ARID5B: variants seen among roughly 807,000 people sequenced by gnomAD.
ARID5B encodes the protein AT-rich interactive domain-containing protein 5B.
A neutral mutation model predicts 97.2 loss-of-function variants in ARID5B; 13 were observed. The observed-to-expected ratio is 0.13, with a 90% CI of 0.09 to 0.21. The LOEUF (loss-of-function observed/expected upper bound fraction) is 0.21, where lower values mean the gene tolerates loss of function less well. Ranked by LOEUF, ARID5B falls within the 10% of genes least tolerant of loss-of-function variation. The probability of loss-of-function intolerance (pLI) is 1.00; values close to 1 mark genes in which losing one functional copy is unlikely to be tolerated. For missense variants in ARID5B, 1,210 were observed against 1,465.3 expected (o/e 0.83, Z 2.84); for synonymous variants, 556 against 570.3 (o/e 0.97, Z 0.36).
At chr10:62,016,309 T>G (rs546037773) in intron 4 of ARID5B, among the ~76,000 whole-genome samples, 2 of 152,164 alleles carry the variant, frequency 1.3e-5, no homozygotes, top group Non-Finnish European at 2.9e-5. Context: ...TACAGAAAAA[T>G]GTATTGACCT....
In ARID5B at chr10:61,908,724, C is replaced by T. The variant is rs1181779756; in HGVS notation, c.276+6311C>T. On this transcript the variant is annotated intron_variant, in intron 2 of 9. Transcript: ENST00000279873. ...CTGAGGCAGGAGAATGGCGTGAACC[C>T]GGGAGGCAGAGCTTGCAGTGAGCCA... Among the ~76,000 whole-genome samples, 8 of 141,670 alleles carry T rather than the reference C, an allele frequency of 5.6e-5. No homozygotes were observed. In the Admixed American group the frequency reaches 6.1e-4, roughly 11 times the overall value. 92.9% of individuals were successfully genotyped at this position (141,670 alleles called of 152,430 possible).
intron 2 of ARID5B, among the ~76,000 whole-genome samples, chr10:61,919,167 A>T (rs1843965596): frequency 6.6e-6 from 1 of 151,824 alleles, no homozygotes; most frequent in African/African-American, 2.4e-5. Flanking sequence ...GTTTGATCTA[A>T]GTGCCCCACC....
intron 8 of ARID5B, among the ~76,000 whole-genome samples, chr10:62,083,556 G>T (rs899782403): frequency 1.3e-5 from 2 of 152,044 alleles, no homozygotes; most frequent in Non-Finnish European, 1.5e-5. Flanking sequence ...CAGTAAAGAG[G>T]GTCCCTCGTG....
intron 4 of ARID5B, among the ~76,000 whole-genome samples, chr10:62,012,014 AG>A (rs1172955684): frequency 6.6e-6 from 1 of 151,776 alleles, no homozygotes; most frequent in African/African-American, 2.4e-5. Context: ...GAAAAAAAAA[AG>A]TAAATAGTAA....
chr10:62,040,331 T>TA (rs1229267545), intron 4 of ARID5B, among the ~76,000 whole-genome samples: 8 of 58,072 alleles, frequency 1.4e-4, no homozygotes, highest in South Asian at 1.7e-3. Flanking sequence ...TTAGATACTA[T>TA]TATAACATTA....
At chr10:61,932,838 C>T (rs1844234964) in intron 2 of ARID5B, among the ~76,000 whole-genome samples, 1 of 152,132 alleles carries the variant, frequency 6.6e-6, no homozygotes, top group South Asian at 2.1e-4. Flanking sequence ...GCAATGTTCA[C>T]AAATCCCAGC....
At chr10:62,061,572 C>A (rs769046043) in intron 7 of ARID5B, among the ~76,000 whole-genome samples, 21 of 152,198 alleles carry the variant, frequency 1.4e-4, no homozygotes, top group Non-Finnish European at 3.1e-4. Flanking sequence ...TGCTGAGCCT[C>A]CAGATGCTAT....
intron 4 of ARID5B, among the ~76,000 whole-genome samples, chr10:62,011,980 C>T (rs892879069): frequency 1.3e-5 from 2 of 151,630 alleles, no homozygotes; most frequent in Non-Finnish European, 2.9e-5. Context: ...CCTTCATCCC[C>T]TTAGTACCAT....
At chr10:62,015,031 C>G (rs1260828031) in intron 4 of ARID5B, among the ~76,000 whole-genome samples, 1 of 152,140 alleles carries the variant, frequency 6.6e-6, no homozygotes, top group Non-Finnish European at 1.5e-5. Context: ...TTAATTAGAA[C>G]AACTCATTTC....
At chr10:61,902,451 A>AT in intron 2 of ARID5B, 38 bp downstream of exon 2, 1 of 1,604,924 alleles carries the variant, frequency 6.2e-7, no homozygotes, top group South Asian at 1.1e-5. Flanking sequence ...TTTCTTTATT[A>AT]TTTTTCCCCC....
At chr10:61,997,208 T>C (rs2132863296) in intron 3 of ARID5B, among the ~76,000 whole-genome samples, 1 of 152,062 alleles carries the variant, frequency 6.6e-6, no homozygotes, top group South Asian at 2.1e-4. Context: ...AAGAGAAGGA[T>C]TCATGACTTG....
chr10:62,024,314 G>C (rs1163823443), intron 4 of ARID5B, among the ~76,000 whole-genome samples: 1 of 152,164 alleles, frequency 6.6e-6, no homozygotes, highest in East Asian at 1.9e-4. Context: ...GAACTTAAGA[G>C]ACTCCTAATT....
chr10:62,015,512 C>G (rs897627894), intron 4 of ARID5B, among the ~76,000 whole-genome samples: 1 of 152,196 alleles, frequency 6.6e-6, no homozygotes, highest in African/African-American at 2.4e-5. Flanking sequence ...CTCAATGGGA[C>G]TTTTGTCAAA....
chr10:61,992,328 T>C (rs948775171), intron 3 of ARID5B, among the ~76,000 whole-genome samples: 2 of 152,064 alleles, frequency 1.3e-5, no homozygotes, highest in African/African-American at 4.8e-5. Flanking sequence ...ACCTTGGAGG[T>C]GGAGTTGGCT....
At chr10:62,021,523 A>G (rs1839356208) in intron 4 of ARID5B, among the ~76,000 whole-genome samples, 1 of 152,162 alleles carries the variant, frequency 6.6e-6, no homozygotes, top group South Asian at 2.1e-4. Context: ...TATAAATATT[A>G]CTCTGTCAGA....
intron 3 of ARID5B, among the ~76,000 whole-genome samples, chr10:61,991,677 G>A (rs968383615): frequency 6.6e-6 from 1 of 152,110 alleles, no homozygotes; most frequent in African/African-American, 2.4e-5. Context: ...TAATTTTGAT[G>A]AAGTCCAGTT....
In ARID5B at chr10:62,000,255, C is replaced by T. The variant is rs866038968; in HGVS notation, c.667C>T (p.Leu223=). 6.2e-7 allele frequency: 1 copy of T among 1,613,748 alleles called. No homozygotes were observed. The highest frequency in any genetic ancestry group is 8.5e-7 in the Non-Finnish European group (1 of 1,179,876). ...IAVVSRNPQI[L]YCRDTFDHPT... is the part of the protein sequence containing the mutation. ...AGTGGTCAGCAGGAACCCTCAGATC[C>T]TGTACTGTCGGGACACCTTTGACCA... Residue 223 remains leucine (L), a synonymous_variant, in exon 4 of 10, where the codon CTG becomes TTG. Coordinates refer to ENST00000279873, the MANE Select transcript of ARID5B (RefSeq NM_032199.3). The surrounding 1 kb of genome is among the most constrained non-coding windows in gnomAD (Gnocchi z 4.4).
At chr10:62,012,514 G>A (rs964167035) in intron 4 of ARID5B, among the ~76,000 whole-genome samples, 5 of 152,094 alleles carry the variant, frequency 3.3e-5, no homozygotes, top group South Asian at 2.1e-4. Context: ...GCAACTGGGC[G>A]GCAGAGCGAG....
At chr10:62,037,310 T>C (rs1055872685) in intron 4 of ARID5B, among the ~76,000 whole-genome samples, 4 of 152,214 alleles carry the variant, frequency 2.6e-5, no homozygotes, top group African/African-American at 9.6e-5. Flanking sequence ...AAAATTGCCC[T>C]TCTGTTGATT....
Sources: allele counts gnomAD v4.1 joint callset (sites outside exome capture counted in the v4.1 genomes callset), GRCh38; gene constraint gnomAD v4.1.1; non-coding constraint Gnocchi (gnomAD v3.1); transcripts MANE v1.5; gene names NCBI Gene and HGNC (gene_info 2026-07-23, HGNC 2026-07-21).